The following FSD2 variants were observed in gnomAD, a reference collection of about 807,000 sequenced individuals.
The protein encoded by FSD2 is fibronectin type III and SPRY domain-containing protein 2.
A neutral mutation model predicts 80.4 loss-of-function variants in FSD2; 71 were observed. That is an observed-to-expected ratio of 0.88 (90% CI 0.73 to 1.08). FSD2 has a LOEUF of 1.08. Among genes scored for constraint, FSD2 ranks in the 50% least tolerant of loss-of-function variants. The pLI is 0.00. For missense variants in FSD2, 923 were observed against 913.8 expected, an observed-to-expected ratio of 1.01 and a Z score of -0.13; for synonymous variants, 361 against 329.5, an observed-to-expected ratio of 1.10 and a Z score of -1.03.
At chr15:82,785,694 G>A (rs1375262945) in intron 3 of FSD2, among the ~76,000 whole-genome samples, 1 of 152,154 alleles carries the variant, frequency 6.6e-6, no homozygotes, top group African/African-American at 2.4e-5. Flanking sequence ...ATTGGCAGAA[G>A]TGGGTATTTT....
intron 1 of FSD2, among the ~76,000 whole-genome samples, chr15:82,802,766 C>G (rs2050444682): frequency 6.6e-6 from 1 of 152,142 alleles, no homozygotes; most frequent in South Asian, 2.1e-4. Context: ...GCTGCCTCTG[C>G]TCCTGGGGCG....
In FSD2 at chr15:82,786,587, A is replaced by G. The variant is rs1394032565; in HGVS notation, c.659T>C (p.Met220Thr). ...ESAKDEIHKNMYKLEKQIIEM... is the reference protein window; with the variant it reads ...ESAKDEIHKNTYKLEKQIIEM... ...AATTATCTGCTTTTCCAATTTGTAC[A>G]TGTTTTTGTGAATTTCATCCTATCC... Residue 220 changes from methionine (M) to threonine (T), a missense_variant, in exon 3 of 13, where the codon ATG becomes ACG. Transcript: ENST00000334574. 3 of 1,613,466 alleles carry G rather than the reference A, an allele frequency of 1.9e-6. No homozygotes were observed. The highest frequency in any genetic ancestry group is 1.7e-5 in the Admixed American group (1 of 59,946).
At chr15:82,799,034 C>T (rs1828510) in intron 1 of FSD2, among the ~76,000 whole-genome samples, 49,570 of 151,622 alleles carry the variant, frequency 0.33, 8,113 homozygotes, top group Middle Eastern at 0.37. Flanking sequence ...TGCACCACCA[C>T]GCCTGGCTAA....
In FSD2 at chr15:82,756,662, C is replaced by A. The variant is rs1302982158; in HGVS notation, c.*2686G>T. On this transcript the variant is annotated 3_prime_UTR_variant, in exon 13 of 13. Transcript: ENST00000334574. ...ATCCTGAATACTGTACTCTGTATTA[C>A]TAAACCCATGTTAGTTTACGCCAAG... is the stretch of plus-strand genomic sequence containing the variant. The A allele has an allele frequency of 6.6e-6, 1 of 152,204 alleles. No homozygotes were observed. The highest frequency in any genetic ancestry group is 2.4e-5 in the African/African-American group (1 of 41,448). The allele number at this position is 152,204 out of a possible 1,614,324, so 9.4% of individuals were successfully genotyped here. A position where few individuals can be genotyped will look rare whatever the true frequency, so the allele number is the denominator to read the frequency against.
intron 5 of FSD2, 144 bp from the exon 6 acceptor site, chr15:82,779,031 A>G (rs998153781): frequency 2.0e-6 from 2 of 1,006,440 alleles, no homozygotes; most frequent in African/African-American, 1.6e-5. Context: ...GCTGCCATCT[A>G]CCATCTTTTT....
At chr15:82,772,465 G>A (rs1402251490) in intron 6 of FSD2, among the ~76,000 whole-genome samples, 1 of 152,158 alleles carries the variant, frequency 6.6e-6, no homozygotes, top group African/African-American at 2.4e-5. Context: ...AGCAGGGGTC[G>A]GTGACAGGGA....
chr15:82,778,998 C>G (rs1201616764), intron 5 of FSD2, 111 bp from the exon 6 acceptor site: 2 of 1,293,806 alleles, frequency 1.5e-6, no homozygotes, highest in African/African-American at 2.9e-5. Context: ...GCTGAACTTT[C>G]ATTTAGTTAC....
At chr15:82,785,069 T>C (rs1382765512) in intron 3 of FSD2, among the ~76,000 whole-genome samples, 1 of 152,196 alleles carries the variant, frequency 6.6e-6, no homozygotes, top group Non-Finnish European at 1.5e-5. Context: ...AGTCTTATTC[T>C]GTGTAGCTCT....
chr15:82,780,321 T>C, intron 4 of FSD2, 54 bp from the exon 5 acceptor site: 1 of 1,278,560 alleles, frequency 7.8e-7, no homozygotes, highest in Non-Finnish European at 1.1e-6. Context: ...AATTTCTTTT[T>C]TCTTTTTCTT....
At position 82,786,518 on chromosome 15, in the gene FSD2, G is replaced by A. The variant is rs1270516472; in HGVS notation, c.728C>T (p.Thr243Ile). 2 of 1,612,022 alleles carry A rather than the reference G, an allele frequency of 1.2e-6. No individual in the cohort carries two copies. Among genetic ancestry groups the A allele is most frequent in the African/African-American group, 1.3e-5 (1 of 74,900 alleles). Residue 243 changes from threonine (T) to isoleucine (I), a missense_variant, in exon 3 of 13, where the codon ACT (threonine) becomes ATT (isoleucine). Coordinates refer to ENST00000334574, the MANE Select transcript of FSD2 (RefSeq NM_001007122.4). ...CTTCAAGTGTGCTCTTACCTCCACA[G>A]TGATGAAAACCTCCTCCAAATGATT... The part of the protein sequence containing the change: ...FANHLEEVFI[T>I]VEENFGKQEQ...
intron 6 of FSD2, among the ~76,000 whole-genome samples, chr15:82,778,153 T>TATATATATATATATATAA (rs2049766047): frequency 2.2e-5 from 3 of 138,310 alleles, no homozygotes; most frequent in African/African-American, 5.7e-5. Flanking sequence ...TATATATATA[T>TATATATATATATATATAA]ATATAATAAC....
At chr15:82,800,595 G>A (rs1182669485) in intron 1 of FSD2, among the ~76,000 whole-genome samples, 3 of 148,482 alleles carry the variant, frequency 2.0e-5, no homozygotes, top group Non-Finnish European at 3.0e-5. Context: ...GGGAGGCTGA[G>A]GCATGAGAAT....
At chr15:82,773,932 T>C (rs552670559) in intron 6 of FSD2, among the ~76,000 whole-genome samples, 12 of 152,294 alleles carry the variant, frequency 7.9e-5, no homozygotes, top group Non-Finnish European at 1.5e-4. Context: ...ACAAAAATAC[T>C]GTGCAAGGAA....
At position 82,759,324 on chromosome 15, in the gene FSD2, C is replaced by T; in HGVS notation, c.*24G>A. ...CTGCGAGAGGGGTAGGCATGGAAGACAGGAAACTGGACATCAGAATGTTCT... is the reference window on the plus strand; with the variant it reads ...CTGCGAGAGGGGTAGGCATGGAAGATAGGAAACTGGACATCAGAATGTTCT... On this transcript the variant is annotated 3_prime_UTR_variant, in exon 13 of 13. Transcript: ENST00000334574. 1 of 1,608,398 alleles carries T rather than the reference C, an allele frequency of 6.2e-7. No homozygotes were observed. Among genetic ancestry groups the T allele is most frequent in the Admixed American group, 1.7e-5 (1 of 59,298 alleles).
chr15:82,774,360 G>A (rs912158031), intron 6 of FSD2, among the ~76,000 whole-genome samples: 6 of 152,194 alleles, frequency 3.9e-5, no homozygotes, highest in African/African-American at 1.4e-4. Flanking sequence ...ACAGGCATGA[G>A]CCAGCACGTC....
chr15:82,783,076 T>C (rs1238886873), intron 3 of FSD2, 51 bp from the exon 4 acceptor site: 3 of 1,305,846 alleles, frequency 2.3e-6, no homozygotes, highest in Non-Finnish European at 3.2e-6. Flanking sequence ...AGTGTGTTGA[T>C]TAGAGTCTTT....
At chr15:82,764,955 C>G (rs2049379073) in intron 11 of FSD2, among the ~76,000 whole-genome samples, 1 of 152,018 alleles carries the variant, frequency 6.6e-6, no homozygotes. Context: ...CCTGACCTCA[C>G]CGTCCCAGGG....
chr15:82,774,615 ACAGATACC>A (rs1434749477), intron 6 of FSD2, among the ~76,000 whole-genome samples: 1 of 152,168 alleles, frequency 6.6e-6, no homozygotes, highest in Admixed American at 6.5e-5. Context: ...TATGCTAAAA[ACAGATACC>A]CAGGAGGAAC....
chr15:82,778,965 T>C (rs907404218), intron 5 of FSD2, 78 bp from the exon 6 acceptor site: 6 of 1,505,186 alleles, frequency 4.0e-6, no homozygotes, highest in African/African-American at 2.8e-5. Context: ...TGAGTCACTG[T>C]CATAAATGAA....
Sources: gnomAD v4.1 joint callset for allele counts (sites outside exome capture counted in the v4.1 genomes callset) on GRCh38, gnomAD v4.1.1 for gene constraint, MANE v1.5 for transcripts, NCBI Gene and HGNC (gene_info 2026-07-23, HGNC 2026-07-21) for gene names.